Variants in SLCO4A1 observed in about 807,000 individuals in gnomAD.
SLCO4A1 encodes the protein solute carrier organic anion transporter family member 4A1.
A neutral mutation model predicts 64.6 loss-of-function variants in SLCO4A1; 51 were observed. The observed-to-expected ratio is 0.79, with a 90% CI of 0.63 to 1.00. The LOEUF is 1.00. Ranked by LOEUF, SLCO4A1 falls within the 50% of genes least tolerant of loss-of-function variation. The probability of loss-of-function intolerance (pLI) is 0.00; values close to 1 mark genes in which losing one functional copy is unlikely to be tolerated. For missense variants in SLCO4A1, 919 were observed against 980.5 expected, an observed-to-expected ratio of 0.94 and a Z score of 0.84; for synonymous variants, 471 against 444.9, an observed-to-expected ratio of 1.06 and a Z score of -0.74.
In SLCO4A1 at chr20:62,671,781, GCTT is replaced by G. The variant is rs756999468; in HGVS notation, c.2061_2063del (p.Phe687del). ...GGCGTCCTCTTCTTTGCCATAGCCT[GCTT>G]CTTATACAAGCCCCTGTCGGAGTCT... is the stretch of plus-strand genomic sequence containing the variant. On this transcript the variant is annotated inframe_deletion, in exon 12 of 12. Coordinates refer to ENST00000217159, the MANE Select transcript of SLCO4A1 (RefSeq NM_016354.4). 10 of 1,613,540 alleles carry G rather than the reference GCTT, an allele frequency of 6.2e-6. No individual in the cohort carries two copies. In the South Asian group the frequency reaches 1.1e-4, roughly 18 times the overall value.
Position 62,666,577 on chromosome 20 carries a change from T to A in SLCO4A1, c.1472+2T>A. ...CGTCACAGCCAGCTACGGCGGGAGG[T>A]GAGGGCCAGATGGCACCTGGGTACG... is the stretch of plus-strand genomic sequence containing the variant. On this transcript the variant is annotated splice_donor_variant, in intron 7 of 11. Coordinates refer to ENST00000217159, the MANE Select transcript of SLCO4A1 (RefSeq NM_016354.4). LOFTEE classifies it high-confidence loss of function. 3.1e-6 allele frequency: 5 copies of A among 1,610,832 alleles called. No individual in the cohort carries two copies. Among genetic ancestry groups the A allele is most frequent in the Non-Finnish European group, 4.2e-6 (5 of 1,179,502 alleles).
rs778925942 is a variant in SLCO4A1 at position 62,661,143 on chromosome 20, G to A, written c.1089G>A (p.Pro363=). The change falls in exon 5 of 12, where the codon CCG becomes CCA. Residue 363 remains proline (P), a synonymous_variant. Transcript: ENST00000217159. The surrounding 1 kb of genome is among the most constrained non-coding windows in gnomAD (Gnocchi z 5.2). ...KDSSRGEASN[P]DFGKTIRDLP... ...GCAGCCGTGGGGAGGCGAGCAACCC[G>A]GACTTTGGGAAAACCATCAGAGACC... The A allele has an allele frequency of 3.4e-5, 55 of 1,613,288 alleles. No homozygotes were observed. Among genetic ancestry groups the A allele is most frequent in the East Asian group, 4.5e-5 (2 of 44,882 alleles).
chr20:62,674,981 C>T (rs771973762), downstream of SLCO4A1, among the ~76,000 whole-genome samples: 3 of 152,164 alleles, frequency 2.0e-5, no homozygotes, highest in Non-Finnish European at 4.4e-5. Flanking sequence ...TGATGGCCGC[C>T]GAGCTGACGG....
intron 1 of SLCO4A1, among the ~76,000 whole-genome samples, chr20:62,656,064 G>A (rs1441971969): frequency 3.3e-5 from 5 of 152,226 alleles, no homozygotes; most frequent in Non-Finnish European, 7.3e-5. Context: ...CAGCCCTGAC[G>A]CCACACCGCT....
intron 1 of SLCO4A1, chr20:62,648,861 G>A (rs1002151275): frequency 8.5e-5 from 13 of 152,246 alleles, no homozygotes; most frequent in African/African-American, 2.4e-4. Flanking sequence ...CCCAGCTCTC[G>A]AGTGACCGCC....
intron 11 of SLCO4A1, among the ~76,000 whole-genome samples, chr20:62,671,433 T>C (rs1366934456): frequency 2.6e-5 from 4 of 152,250 alleles, no homozygotes; most frequent in Non-Finnish European, 4.4e-5. Context: ...AAATCCTTAA[T>C]TACATCTGCA....
chr20:62,652,774 C>T (rs1396473409), intron 1 of SLCO4A1, among the ~76,000 whole-genome samples: 1 of 152,238 alleles, frequency 6.6e-6, no homozygotes, highest in Non-Finnish European at 1.5e-5. Flanking sequence ...AGGGAGCAGG[C>T]CCCAGGCATG....
intron 1 of SLCO4A1, among the ~76,000 whole-genome samples, chr20:62,655,925 G>A (rs1983621188): frequency 6.6e-6 from 1 of 152,228 alleles, no homozygotes; most frequent in Admixed American, 6.5e-5. Flanking sequence ...CAAATGGCAG[G>A]GGACGTGGCT....
rs757580448 is a variant in SLCO4A1 at position 62,682,517 on chromosome 20, CG to C, written n.212-2922del. On this transcript the variant is annotated intron_variant and non_coding_transcript_variant, in intron 2 of 2. Transcript: ENST00000466818. ...AGGGGACAGATGAGCATGGAGACCACGGAGGGGACTGAGGCTCTCCACTCAG... is the reference window on the plus strand; with the variant it reads ...AGGGGACAGATGAGCATGGAGACCACGAGGGGACTGAGGCTCTCCACTCAG... Among the ~76,000 whole-genome samples the C allele has an allele frequency of 6.2e-4, 94 of 152,268 alleles. 2 individuals carry two copies. The highest frequency in any genetic ancestry group is 3.4e-3 in the Middle Eastern group (1 of 294).
Position 62,667,896 on chromosome 20 carries a change from G to C in SLCO4A1, c.1624G>C (p.Val542Leu). The C allele has an allele frequency of 6.2e-7, 1 of 1,614,006 alleles. No homozygotes were observed. The highest frequency in any genetic ancestry group is 8.5e-7 in the Non-Finnish European group (1 of 1,180,048). ...AGCPAATETN[V>L]DGQKVYRDCS... The stretch of plus-strand genomic sequence containing the variant: ...GTGCCCTGCAGCCACGGAGACGAAT[G>C]TGGACGGCCAGAAGGTGAGTGGAGC... Residue 542 changes from valine (V) to leucine (L), a missense_variant, in exon 8 of 12, where the codon GTG (valine) becomes CTG (leucine). Val to Leu is a conservative substitution (Grantham distance 32). Transcript: ENST00000217159.
rs781610470 is a variant in SLCO4A1 at position 62,658,780 on chromosome 20, G to A, written c.887+13G>A. 16 of 1,584,556 alleles carry A rather than the reference G, an allele frequency of 1.0e-5. No homozygotes were observed. Among genetic ancestry groups the A allele is most frequent in the South Asian group, 8.0e-5 (7 of 87,836 alleles). ...AAATGGGCCGACGGTGAGTGGCCGCGCACCCAGCTGCCTGCGCTGGAGAGG... is the reference window on the plus strand; with the variant it reads ...AAATGGGCCGACGGTGAGTGGCCGCACACCCAGCTGCCTGCGCTGGAGAGG... On this transcript the variant is annotated intron_variant, in intron 3 of 11. Coordinates refer to ENST00000217159, the MANE Select transcript of SLCO4A1 (RefSeq NM_016354.4).
downstream of SLCO4A1, among the ~76,000 whole-genome samples, chr20:62,675,204 A>G (rs1659943808): frequency 3.9e-5 from 6 of 152,138 alleles, no homozygotes; most frequent in South Asian, 1.2e-3. Context: ...GCGGCCCCCA[A>G]AGCGACTGGG....
rs538745496 is a variant in SLCO4A1, at chr20:62,646,557, A to C, written c.-97+4004A>C. On this transcript the variant is annotated intron_variant, in intron 1 of 11. Transcript: ENST00000217159. The stretch of plus-strand genomic sequence containing the variant: ...AAGCCACTTCCACCCCAGCCATGGA[A>C]GGAGGCTGAGGAGGCCAGGGCAGCA... Among the ~76,000 whole-genome samples, 14 of 152,342 alleles carry C rather than the reference A, an allele frequency of 9.2e-5. No individual in the cohort carries two copies. In the East Asian group the frequency reaches 2.5e-3, roughly 27 times the overall value.
rs987517516 is a variant in SLCO4A1 at position 62,645,642 on chromosome 20, C to T, written c.-97+3089C>T. Among the ~76,000 whole-genome samples the T allele has an allele frequency of 2.2e-4, 33 of 151,860 alleles. No homozygotes were observed. Among genetic ancestry groups the T allele is most frequent in the African/African-American group, 7.0e-4 (29 of 41,386 alleles). On this transcript the variant is annotated intron_variant, in intron 1 of 11. Coordinates refer to ENST00000217159, the MANE Select transcript of SLCO4A1 (RefSeq NM_016354.4). This position sits in a 1 kb window ranked among gnomAD's most constrained non-coding sequence, Gnocchi z 4.2. ...TTAGACCCTGGGACTACATTTCTGG[C>T]GGAAGGTGACTGCTTTTTCAAACCA...
At chr20:62,667,314 G>A (rs994167215) in intron 7 of SLCO4A1, among the ~76,000 whole-genome samples, 3 of 152,260 alleles carry the variant, frequency 2.0e-5, no homozygotes, top group Non-Finnish European at 4.4e-5. Flanking sequence ...CGAGGGGCGT[G>A]TACGTGCAGA....
At chr20:62,664,902 A>G in intron 5 of SLCO4A1, 32 bp from the exon 6 acceptor site, 2 of 1,543,108 alleles carry the variant, frequency 1.3e-6, no homozygotes, top group South Asian at 2.5e-5. Flanking sequence ...TCTGACCCTC[A>G]GTCTCTTCTC....
rs528912883 is a variant in SLCO4A1 at position 62,661,753 on chromosome 20, C to T, written c.1121+578C>T. Reference sequence around the variant, plus strand: ...CCTCTGGGGAGGTTGCTTGCTTTGCCGTCTGCCTTGGCTGCCTTCCCTTTC... The same window carrying T: ...CCTCTGGGGAGGTTGCTTGCTTTGCTGTCTGCCTTGGCTGCCTTCCCTTTC... On this transcript the variant is annotated intron_variant, in intron 5 of 11. Transcript: ENST00000217159. This position sits in a 1 kb window ranked among gnomAD's most constrained non-coding sequence, Gnocchi z 5.2. Among the ~76,000 whole-genome samples, 3 of 152,136 alleles carry T rather than the reference C, an allele frequency of 2.0e-5. No individual in the cohort carries two copies. The highest frequency in any genetic ancestry group is 1.9e-4 in the East Asian group (1 of 5,148).
chr20:62,672,980 C>T (rs1987390182), downstream of SLCO4A1, among the ~76,000 whole-genome samples: 1 of 145,330 alleles, frequency 6.9e-6, no homozygotes, highest in South Asian at 2.1e-4. Flanking sequence ...CAGCGCCTGC[C>T]AGGAGTTCTC....
chr20:62,658,590 G>A, intron 2 of SLCO4A1, 87 bp from the exon 3 acceptor site: 2 of 1,038,346 alleles, frequency 1.9e-6, no homozygotes, highest in Non-Finnish European at 1.4e-6. Context: ...GCGGGTGCGG[G>A]GCTTCTCCCA....
Sources: allele counts gnomAD v4.1 joint callset (sites outside exome capture counted in the v4.1 genomes callset), GRCh38; gene constraint gnomAD v4.1.1; non-coding constraint Gnocchi (gnomAD v3.1); transcripts MANE v1.5; gene names NCBI Gene and HGNC (gene_info 2026-07-23, HGNC 2026-07-21).